AHCY: variants seen among roughly 807,000 people sequenced by gnomAD.
AHCY encodes the protein adenosylhomocysteinase, also known as S-adenosyl-L-homocysteine hydrolase.
AHCY carries 24 observed loss-of-function variants against 45.4 expected under a neutral mutation model. That is an observed-to-expected ratio of 0.53 (90% confidence interval 0.38 to 0.74). AHCY has a LOEUF of 0.74. AHCY is among the 30% of genes least tolerant of loss of function. AHCY has a pLI of 0.00. For missense variants in AHCY, 449 were observed against 594.1 expected (o/e 0.76, Z 2.54); for synonymous variants, 245 against 235.1 (o/e 1.04, Z -0.39).
At chr20:34,274,324 T>C in the AHCY span, among the ~76,000 whole-genome samples, 1 of 152,188 alleles carries the variant, frequency 6.6e-6, no homozygotes, top group South Asian at 2.1e-4. Context: ...TTAAGCAATG[T>C]GTCTAGATAG....
chr20:34,248,274 A>G, the AHCY span, among the ~76,000 whole-genome samples: 1 of 152,154 alleles, frequency 6.6e-6, no homozygotes, highest in Admixed American at 6.5e-5. Flanking sequence ...GCAGCATTAG[A>G]ATGAACTTAT....
the AHCY span, among the ~76,000 whole-genome samples, chr20:34,258,696 C>A: frequency 0.011 from 128 of 11,326 alleles, no homozygotes; most frequent in Middle Eastern, 0.1. Context: ...TATATACATA[C>A]TATATATATA....
At chr20:34,278,013 G>A (rs369888157), downstream of AHCY, among the ~76,000 whole-genome samples, 24 of 152,280 alleles carry the variant, frequency 1.6e-4, no homozygotes, top group East Asian at 2.3e-3. Flanking sequence ...GGATACTGCA[G>A]GACCCTTGGC....
At chr20:34,301,661 C>G (rs2036776187) in intron 1 of AHCY, 4 of 343,094 alleles carry the variant, frequency 1.2e-5, no homozygotes, top group African/African-American at 2.2e-5. Flanking sequence ...TTATCTCCAC[C>G]CACACAACCC....
chr20:34,300,173 ACT>A (rs2036722516), intron 1 of AHCY, among the ~76,000 whole-genome samples: 2 of 151,836 alleles, frequency 1.3e-5, no homozygotes, highest in Admixed American at 1.3e-4. Context: ...TGAGAGGGAG[ACT>A]CTGTCTCCAA....
At chr20:34,239,923 G>T in the AHCY span, among the ~76,000 whole-genome samples, 1 of 152,166 alleles carries the variant, frequency 6.6e-6, no homozygotes, top group South Asian at 2.1e-4. Context: ...TATCCAGGAA[G>T]CAATACATTG....
the AHCY span, among the ~76,000 whole-genome samples, chr20:34,232,083 C>G: frequency 6.6e-6 from 1 of 152,176 alleles, no homozygotes; most frequent in Non-Finnish European, 1.5e-5. Context: ...AACACAAAGG[C>G]CCAGATGAAG....
chr20:34,297,454 T>G (rs1394712457), intron 1 of AHCY, among the ~76,000 whole-genome samples: 1 of 151,920 alleles, frequency 6.6e-6, no homozygotes, highest in African/African-American at 2.4e-5. Context: ...CTCGCCACCA[T>G]GCCCAGCTAA....
chr20:34,274,145 G>A, the AHCY span, among the ~76,000 whole-genome samples: 1 of 152,084 alleles, frequency 6.6e-6, no homozygotes, highest in African/African-American at 2.4e-5. Context: ...GTAAATATTG[G>A]GCTGCTGCTC....
chr20:34,269,124 T>G, the AHCY span: 8 of 1,557,214 alleles, frequency 5.1e-6, no homozygotes, highest in Admixed American at 3.8e-5. Context: ...TGCCGCTTCT[T>G]CCGCAGCGCC....
At chr20:34,291,748 A>G (rs1269880065) in intron 4 of AHCY, among the ~76,000 whole-genome samples, 1 of 152,094 alleles carries the variant, frequency 6.6e-6, no homozygotes, top group East Asian at 1.9e-4. Context: ...GCCTCCGAAC[A>G]ACTCCCAGCT....
intron 1 of AHCY, among the ~76,000 whole-genome samples, chr20:34,297,970 C>G (rs2036626675): frequency 6.6e-6 from 1 of 152,120 alleles, no homozygotes; most frequent in Admixed American, 6.6e-5. Flanking sequence ...GAAACCCCGT[C>G]TCTACTAAAA....
the AHCY span, among the ~76,000 whole-genome samples, chr20:34,256,053 G>A: frequency 6.6e-6 from 1 of 152,190 alleles, no homozygotes; most frequent in Admixed American, 6.5e-5. Flanking sequence ...GTTCCACCCC[G>A]TACACCTGGC....
At chr20:34,269,024 C>T in the AHCY span, 1 of 1,608,026 alleles carries the variant, frequency 6.2e-7, no homozygotes, top group Non-Finnish European at 8.5e-7. Flanking sequence ...GGTGCGGCCC[C>T]GGACCCCCCT....
chr20:34,232,859 T>C, the AHCY span, among the ~76,000 whole-genome samples: 3 of 152,204 alleles, frequency 2.0e-5, no homozygotes, highest in South Asian at 6.2e-4. Flanking sequence ...GCAGATGAGA[T>C]TGGCAGCCTG....
the AHCY span, among the ~76,000 whole-genome samples, chr20:34,257,401 A>G: frequency 3.3e-5 from 5 of 152,166 alleles, no homozygotes; most frequent in African/African-American, 1.2e-4. Context: ...ATTTATTTCT[A>G]ATTTGCCTTC....
chr20:34,286,700 G>A (rs897146421), intron 8 of AHCY, among the ~76,000 whole-genome samples: 1 of 152,022 alleles, frequency 6.6e-6, no homozygotes, highest in Non-Finnish European at 1.5e-5. Context: ...AGGCATGGTA[G>A]CACATGCCTG....
the AHCY span, chr20:34,250,219 G>A: frequency 6.6e-6 from 1 of 152,286 alleles, no homozygotes; most frequent in Non-Finnish European, 1.5e-5. Context: ...CAGACACTCT[G>A]GCTGCCTTGA....
intron 2 of AHCY, 28 bp from the exon 3 acceptor site, chr20:34,294,184 T>TG: frequency 6.2e-7 from 1 of 1,604,596 alleles, no homozygotes; most frequent in Non-Finnish European, 8.5e-7. Context: ...ACAAGGCTGT[T>TG]GGTCACTGAT....
Sources: gnomAD v4.1 joint callset for allele counts (sites outside exome capture counted in the v4.1 genomes callset) on GRCh38, gnomAD v4.1.1 for gene constraint, MANE v1.5 for transcripts, NCBI Gene and HGNC (gene_info 2026-07-23, HGNC 2026-07-21) for gene names.